Variants in TENM2 observed in about 807,000 individuals in gnomAD.
TENM2 encodes the protein teneurin transmembrane protein 2, also known as teneurin-2.
TENM2 carries 52 observed loss-of-function variants against 245.2 expected under a neutral mutation model. The ratio of observed to expected loss-of-function variants is 0.21; its 90% CI spans 0.17 to 0.27. The LOEUF is 0.27. Ranked by LOEUF, TENM2 falls within the 10% of genes least tolerant of loss-of-function variation. TENM2 has a pLI of 1.00. For synonymous variants in TENM2, 1,363 were observed against 1,438.9 expected (o/e 0.95, Z 1.19); for missense variants, 3,046 against 3,666.8 (o/e 0.83, Z 4.37).
At chr5:167,520,773 C>T (rs1770699430) in intron 2 of TENM2, among the ~76,000 whole-genome samples, 1 of 151,750 alleles carries the variant, frequency 6.6e-6, no homozygotes, top group Admixed American at 6.6e-5. Context: ...CCTGCTTCCT[C>T]ATAATTCAAC....
chr5:167,438,912 G>A (rs1764730620), intron 2 of TENM2, among the ~76,000 whole-genome samples: 1 of 152,150 alleles, frequency 6.6e-6, no homozygotes, highest in South Asian at 2.1e-4. Flanking sequence ...TCCTGCCTCA[G>A]CCTCCCGAGT....
the TENM2 span, among the ~76,000 whole-genome samples, chr5:167,112,937 C>G: frequency 7.9e-5 from 12 of 152,138 alleles, no homozygotes; most frequent in Non-Finnish European, 1.3e-4. Context: ...ATTGGCACAT[C>G]ATAATAAGGG....
chr5:167,438,540 T>C (rs13160014), intron 2 of TENM2, among the ~76,000 whole-genome samples: 22,246 of 151,010 alleles, frequency 0.15, 1,835 homozygotes, highest in Non-Finnish European at 0.19. Context: ...TACAGGTGAC[T>C]GCCACCACGC....
At chr5:167,872,013 G>A (rs2151349917) in intron 2 of TENM2, among the ~76,000 whole-genome samples, 1 of 152,166 alleles carries the variant, frequency 6.6e-6, no homozygotes, top group East Asian at 1.9e-4. Context: ...AGCATACCAG[G>A]GCTGGCATGA....
intron 12 of TENM2, among the ~76,000 whole-genome samples, chr5:168,158,215 T>C (rs879627239): frequency 5.9e-5 from 9 of 152,098 alleles, no homozygotes; most frequent in Non-Finnish European, 1.5e-5. Flanking sequence ...AAATTTCCCA[T>C]CAGCTCTCTC....
At chr5:168,028,007 C>T (rs750687061) in intron 5 of TENM2, among the ~76,000 whole-genome samples, 10 of 152,266 alleles carry the variant, frequency 6.6e-5, no homozygotes, top group Non-Finnish European at 8.8e-5. Context: ...TGAGGATTTA[C>T]GAGAATCAAC....
chr5:167,547,909 G>T lies in TENM2; in HGVS notation c.502+172436G>T, dbSNP rs115141491. ...ATAAGAACACATTGGCATCTATTAAGATCATTTACACCAAATCAGAAACAT... is the reference window on the plus strand; with the variant it reads ...ATAAGAACACATTGGCATCTATTAATATCATTTACACCAAATCAGAAACAT... On this transcript the variant is annotated intron_variant, in intron 2 of 28. Transcript: ENST00000518659. 9.8e-3 allele frequency among the ~76,000 whole-genome samples: 1,498 copies of T among 152,276 alleles called. 26 individuals are homozygous for T. The highest frequency in any genetic ancestry group is 0.035 in the African/African-American group (1,436 of 41,536).
intron 4 of TENM2, among the ~76,000 whole-genome samples, chr5:167,961,214 A>G (rs1389647962): frequency 6.6e-6 from 1 of 152,244 alleles, no homozygotes; most frequent in African/African-American, 2.4e-5. Context: ...TTTAAAGGTT[A>G]AAATATGTAA....
At chr5:167,739,289 T>A (rs6555768) in intron 2 of TENM2, among the ~76,000 whole-genome samples, 1 of 152,140 alleles carries the variant, frequency 6.6e-6, no homozygotes, top group Non-Finnish European at 1.5e-5. Context: ...ATCGGGCTCA[T>A]GAAGTCACTC....
intron 12 of TENM2, among the ~76,000 whole-genome samples, chr5:168,160,287 A>T (rs1196662468): frequency 2.0e-5 from 3 of 151,974 alleles, no homozygotes; most frequent in Admixed American, 2.0e-4. Context: ...GCAACTGGGG[A>T]CGGCTTTCCC....
intron 2 of TENM2, among the ~76,000 whole-genome samples, chr5:167,431,947 ATGTATATATATATG>A (rs200951197): frequency 0.37 from 49,556 of 134,426 alleles, 10,044 homozygotes; most frequent in Admixed American, 0.46. Context: ...ATACATATAT[ATGTATATATATATG>A]TATATATATA....
At chr5:167,795,182 C>T (rs1387715741) in intron 2 of TENM2, among the ~76,000 whole-genome samples, 1 of 152,082 alleles carries the variant, frequency 6.6e-6, no homozygotes, top group Non-Finnish European at 1.5e-5. Context: ...AATCCTCACC[C>T]TTAGGGAGGT....
chr5:168,197,560 C>T (rs1761550020), intron 15 of TENM2, among the ~76,000 whole-genome samples: 1 of 152,068 alleles, frequency 6.6e-6, no homozygotes, highest in African/African-American at 2.4e-5. Flanking sequence ...GTTAGCCAGG[C>T]ATCGTGGCAG....
intron 2 of TENM2, among the ~76,000 whole-genome samples, chr5:167,611,843 G>A (rs529703637): frequency 9.2e-5 from 14 of 152,014 alleles, no homozygotes; most frequent in Admixed American, 3.9e-4. Context: ...ATTCATGAGG[G>A]CTTCTCCCTC....
chr5:168,008,170 A>C (rs1784969544), intron 5 of TENM2, among the ~76,000 whole-genome samples: 1 of 152,210 alleles, frequency 6.6e-6, no homozygotes, highest in East Asian at 1.9e-4. Context: ...AGGCCGACCC[A>C]GACCTGGGAA....
chr5:167,974,037 A>AGGGAGGAAGG (rs1554163794), intron 4 of TENM2, among the ~76,000 whole-genome samples: 1 of 25,060 alleles, frequency 4.0e-5, no homozygotes, highest in African/African-American at 4.1e-4. Flanking sequence ...GGAAGGAAGG[A>AGGGAGGAAGG]GAAGGAAGGA....
At chr5:167,439,090 G>C (rs975049873) in intron 2 of TENM2, among the ~76,000 whole-genome samples, 3 of 152,114 alleles carry the variant, frequency 2.0e-5, no homozygotes, top group African/African-American at 7.2e-5. Flanking sequence ...CGCCGCACCG[G>C]GCCGCCAAGT....
At chr5:167,370,426 T>G (rs1239840649) in intron 1 of TENM2, among the ~76,000 whole-genome samples, 2 of 150,726 alleles carry the variant, frequency 1.3e-5, no homozygotes, top group African/African-American at 4.9e-5. Flanking sequence ...AAAGACAATT[T>G]AACGTCCAAG....
chr5:167,850,297 A>G lies in TENM2; in HGVS notation c.503-25689A>G, dbSNP rs189672233. Among the ~76,000 whole-genome samples the G allele has an allele frequency of 1.4e-3, 210 of 152,312 alleles. 1 individual carries two copies. The highest frequency in any genetic ancestry group is 2.4e-3 in the Non-Finnish European group (165 of 68,020). On this transcript the variant is annotated intron_variant, in intron 2 of 28. Transcript: ENST00000518659. Reference sequence around the variant, plus strand: ...TTAGAACCTGGATGATTTGGGGACCATTACTGTGCACACCACATACTTTCT... The same window carrying G: ...TTAGAACCTGGATGATTTGGGGACCGTTACTGTGCACACCACATACTTTCT...
Sources: allele counts gnomAD v4.1 joint callset (sites outside exome capture counted in the v4.1 genomes callset), GRCh38; gene constraint gnomAD v4.1.1; transcripts MANE v1.5; gene names NCBI Gene and HGNC (gene_info 2026-07-23, HGNC 2026-07-21).